Variants in MSRB2 observed in about 807,000 individuals in gnomAD.
MSRB2 encodes the protein methionine-R-sulfoxide reductase B2, mitochondrial.
In MSRB2, 17 loss-of-function variants were observed where a neutral mutation model predicts 19.0. That is an observed-to-expected ratio of 0.89 (90% CI 0.61 to 1.34). The LOEUF is 1.34. MSRB2 is among the 40% of genes most tolerant of loss of function. The pLI, the probability that MSRB2 is intolerant of heterozygous loss-of-function variation, is 0.00. For synonymous variants in MSRB2, 107 were observed against 99.7 expected (o/e 1.07, Z -0.44); for missense variants, 208 against 237.6 (o/e 0.88, Z 0.82).
chr10:23,100,316 T>C (rs536845203), intron 1 of MSRB2, among the ~76,000 whole-genome samples: 3 of 152,324 alleles, frequency 2.0e-5, no homozygotes, highest in Non-Finnish European at 4.4e-5. Context: ...TCTTGCTCTT[T>C]TTAGTGCCTC....
chr10:23,113,767 G>A (rs182198532), intron 3 of MSRB2, among the ~76,000 whole-genome samples: 5 of 152,278 alleles, frequency 3.3e-5, no homozygotes, highest in African/African-American at 1.2e-4. Context: ...ACAGCCATGT[G>A]AAAACGGAAG....
At chr10:23,101,547 A>G (rs1050012503) in intron 1 of MSRB2, among the ~76,000 whole-genome samples, 1 of 152,228 alleles carries the variant, frequency 6.6e-6, no homozygotes, top group Admixed American at 6.5e-5. Context: ...GCTGGATTAA[A>G]TGGTATTCTA....
Position 23,104,176 on chromosome 10 carries a change from A to G in MSRB2, c.151A>G (p.Lys51Glu), listed in dbSNP as rs760704622. 24 of 1,613,936 alleles carry G rather than the reference A, an allele frequency of 1.5e-5. No individual in the cohort carries two copies. The highest frequency in any genetic ancestry group is 5.0e-5 in the Admixed American group (3 of 59,990). Residue 51 changes from lysine to glutamate, a missense_variant, in exon 2 of 5, where the codon AAG (lysine) becomes GAG (glutamate). Physicochemically the swap from Lys to Glu is moderately conservative, Grantham distance 56. Transcript: ENST00000376510. ...TGCAACGTGTGAGCTGCCTCTTGCC[A>G]AGAGTGAGTGGCAAAAGAAACTAAC... is the stretch of plus-strand genomic sequence containing the variant. ...SLATCELPLAKSEWQKKLTPE... is the reference protein window; with the variant it reads ...SLATCELPLAESEWQKKLTPE...
intron 4 of MSRB2, 42 bp from the exon 5 acceptor site, chr10:23,120,716 T>C (rs764987918): frequency 1.3e-6 from 2 of 1,510,472 alleles, no homozygotes; most frequent in Non-Finnish European, 1.8e-6. Context: ...ATAAAGAGCT[T>C]TGTTTGCATT....
rs753222533 is a variant in MSRB2 at position 23,104,206 on chromosome 10, G to C, written c.181G>C (p.Glu61Gln). Reference sequence around the variant, plus strand: ...TGAGTGGCAAAAGAAACTAACCCCGGAGCAGTTCTACGTCACAAGAGAAAA... The same window carrying C: ...TGAGTGGCAAAAGAAACTAACCCCGCAGCAGTTCTACGTCACAAGAGAAAA... ...KSEWQKKLTPEQFYVTREKGT... is the reference protein window; with the variant it reads ...KSEWQKKLTPQQFYVTREKGT... The change falls in exon 2 of 5, where the codon GAG becomes CAG. Residue 61 changes from glutamate to glutamine, a missense_variant. Transcript: ENST00000376510. 3 of 1,613,788 alleles carry C rather than the reference G, an allele frequency of 1.9e-6. No homozygotes were observed. Among genetic ancestry groups the C allele is most frequent in the Admixed American group, 3.3e-5 (2 of 59,990 alleles).
In MSRB2 at chr10:23,119,463, C is replaced by G; in HGVS notation, c.444+12C>G. 6.2e-7 allele frequency: 1 copy of G among 1,609,878 alleles called. No individual in the cohort carries two copies. The highest frequency in any genetic ancestry group is 8.5e-7 in the Non-Finnish European group (1 of 1,177,180). ...TTGTCTGCAAGCAGGTGAGGTTTCT[C>G]ATTTTGTTTTACTTTCCCTGATGCT... On this transcript the variant is annotated intron_variant, in intron 4 of 4. Coordinates refer to ENST00000376510, the MANE Select transcript of MSRB2 (RefSeq NM_012228.4).
At chr10:23,108,024 A>C (rs569570322) in intron 2 of MSRB2, among the ~76,000 whole-genome samples, 159 of 151,144 alleles carry the variant, frequency 1.1e-3, no homozygotes, top group African/African-American at 3.7e-3. Flanking sequence ...GCAATGGTGC[A>C]ATCTTGACCC....
intron 1 of MSRB2, among the ~76,000 whole-genome samples, chr10:23,099,889 A>C (rs1839908799): frequency 1.3e-5 from 2 of 152,248 alleles, no homozygotes; most frequent in African/African-American, 4.8e-5. Context: ...TTTAAAGCTC[A>C]ATTCATGAGA....
chr10:23,115,075 T>C (rs964451774), intron 3 of MSRB2, among the ~76,000 whole-genome samples: 20 of 152,140 alleles, frequency 1.3e-4, no homozygotes, highest in African/African-American at 4.8e-4. Flanking sequence ...CATCCTATAA[T>C]TGTTGGAATG....
Position 23,110,292 on chromosome 10 carries a change from C to T in MSRB2, c.270C>T (p.Cys90=), listed in dbSNP as rs757816555. Residue 90 remains cysteine, a synonymous_variant, in exon 3 of 5, where the codon TGC becomes TGT. Coordinates refer to ENST00000376510, the MANE Select transcript of MSRB2 (RefSeq NM_012228.4). ...ACAAGGAAGCAGGAATGTATCATTG[C>T]GTGTGCTGCGACAGTCCACTCTTCA... ...LNNKEAGMYH[C]VCCDSPLFSS... is the part of the protein sequence containing the mutation. The T allele has an allele frequency of 1.1e-5, 18 of 1,613,696 alleles. No homozygotes were observed. Among genetic ancestry groups the T allele is most frequent in the African/African-American group, 5.3e-5 (4 of 74,912 alleles).
intron 1 of MSRB2, among the ~76,000 whole-genome samples, chr10:23,101,761 G>A (rs772388266): frequency 1.6e-4 from 24 of 152,154 alleles, no homozygotes; most frequent in Non-Finnish European, 2.9e-4. Context: ...CCCAGGTGGG[G>A]GATTTTCTCC....
intron 3 of MSRB2, among the ~76,000 whole-genome samples, chr10:23,118,871 C>T (rs1370348773): frequency 1.3e-5 from 2 of 152,188 alleles, no homozygotes; most frequent in East Asian, 3.9e-4. Flanking sequence ...TTCCTGTTGC[C>T]AAGCATGACT....
At chr10:23,102,319 G>A (rs1839934445) in intron 1 of MSRB2, among the ~76,000 whole-genome samples, 1 of 152,108 alleles carries the variant, frequency 6.6e-6, no homozygotes, top group Non-Finnish European at 1.5e-5. Context: ...TTCCTCTCAG[G>A]AAATTGAGCA....
rs756350084 is a variant in MSRB2 at position 23,119,467 on chromosome 10, T to G, written c.444+16T>G. ...CTGCAAGCAGGTGAGGTTTCTCATT[T>G]TGTTTTACTTTCCCTGATGCTGCCC... On this transcript the variant is annotated intron_variant, in intron 4 of 4. Coordinates refer to ENST00000376510, the MANE Select transcript of MSRB2 (RefSeq NM_012228.4). The G allele has an allele frequency of 8.1e-6, 13 of 1,608,582 alleles. No homozygotes were observed. Among genetic ancestry groups the G allele is most frequent in the Non-Finnish European group, 8.5e-6 (10 of 1,176,372 alleles).
intron 1 of MSRB2, among the ~76,000 whole-genome samples, chr10:23,103,105 C>T (rs1037488616): frequency 1.2e-4 from 19 of 152,168 alleles, no homozygotes; most frequent in Non-Finnish European, 2.4e-4. Context: ...AACCTTTTAG[C>T]AAAATGTAAG....
chr10:23,104,581 A>T (rs1349448251), intron 2 of MSRB2, among the ~76,000 whole-genome samples: 1 of 152,186 alleles, frequency 6.6e-6, no homozygotes, highest in Non-Finnish European at 1.5e-5. Context: ...CTGCAGCCAA[A>T]GAGTTCTTTG....
intron 3 of MSRB2, 64 bp downstream of exon 3, chr10:23,110,382 C>T: frequency 1.5e-6 from 2 of 1,296,406 alleles, no homozygotes; most frequent in South Asian, 2.5e-5. Context: ...TGCTTTGTTT[C>T]ATTTGAGATC....
chr10:23,119,548 G>A, intron 4 of MSRB2, 97 bp downstream of exon 4: 4 of 1,415,166 alleles, frequency 2.8e-6, no homozygotes, highest in Non-Finnish European at 3.8e-6. Context: ...TTTTATAGGG[G>A]TACTTTCTTT....
chr10:23,105,020 T>C (rs1588968407), intron 2 of MSRB2, among the ~76,000 whole-genome samples: 1 of 152,216 alleles, frequency 6.6e-6, no homozygotes, highest in East Asian at 1.9e-4. Context: ...ACGTGGTGGC[T>C]GGCCTAGTAG....
Sources: gnomAD v4.1 joint callset for allele counts (sites outside exome capture counted in the v4.1 genomes callset) on GRCh38, gnomAD v4.1.1 for gene constraint, MANE v1.5 for transcripts, NCBI Gene and HGNC (gene_info 2026-07-23, HGNC 2026-07-21) for gene names.